The following PARD3 variants were observed in gnomAD, a reference collection of about 807,000 sequenced individuals.
PARD3 encodes the protein par-3 family cell polarity regulator.
PARD3 carries 75 observed loss-of-function variants against 155.4 expected under a neutral mutation model. The observed-to-expected ratio is 0.48, with a 90% CI of 0.40 to 0.58. PARD3 has a LOEUF of 0.58. Among genes scored for constraint, PARD3 ranks in the 20% least tolerant of loss-of-function variants. PARD3 has a pLI of 0.00. For synonymous variants in PARD3, 576 were observed against 610.5 expected, an observed-to-expected ratio of 0.94 and a Z score of 0.83; for missense variants, 1,642 against 1,721.7, an observed-to-expected ratio of 0.95 and a Z score of 0.82.
At chr10:34,446,943 C>T (rs1264764293) in intron 5 of PARD3, among the ~76,000 whole-genome samples, 7 of 152,094 alleles carry the variant, frequency 4.6e-5, no homozygotes, top group Admixed American at 2.0e-4. Context: ...CAATTTATTC[C>T]AGCATTTAGT....
At chr10:34,753,154 T>A (rs1836278565) in intron 1 of PARD3, among the ~76,000 whole-genome samples, 1 of 152,206 alleles carries the variant, frequency 6.6e-6, no homozygotes, top group Admixed American at 6.6e-5. Context: ...GGGGTCCTGA[T>A]TGCTGTGTGT....
chr10:34,454,999 C>T (rs947725172), intron 4 of PARD3, among the ~76,000 whole-genome samples: 2 of 152,144 alleles, frequency 1.3e-5, no homozygotes, highest in African/African-American at 4.8e-5. Context: ...GAGATAGAGG[C>T]TCATTCCCGG....
intron 7 of PARD3, among the ~76,000 whole-genome samples, chr10:34,390,742 G>A (rs1288484112): frequency 6.6e-6 from 1 of 152,028 alleles, no homozygotes; most frequent in Non-Finnish European, 1.5e-5. Flanking sequence ...AATAAATTGC[G>A]TTTTCAATAC....
chr10:34,162,393 C>T (rs1158737134), intron 22 of PARD3, among the ~76,000 whole-genome samples: 1 of 152,130 alleles, frequency 6.6e-6, no homozygotes, highest in Admixed American at 6.6e-5. Flanking sequence ...AATTCTATTC[C>T]ACTCACTCTT....
intron 1 of PARD3, among the ~76,000 whole-genome samples, chr10:34,766,075 T>C (rs1838047894): frequency 6.6e-6 from 1 of 152,240 alleles, no homozygotes; most frequent in African/African-American, 2.4e-5. Context: ...TTACTCCTTT[T>C]AGTGTTATGA....
chr10:34,178,783 C>T (rs1468401609), intron 22 of PARD3, among the ~76,000 whole-genome samples: 1 of 152,164 alleles, frequency 6.6e-6, no homozygotes, highest in African/African-American at 2.4e-5. Context: ...ATTTTAACTT[C>T]CCATAATTTG....
intron 22 of PARD3, among the ~76,000 whole-genome samples, chr10:34,207,157 C>T (rs1195009224): frequency 6.6e-6 from 1 of 152,184 alleles, no homozygotes; most frequent in Admixed American, 6.5e-5. Context: ...AAGCCTACAT[C>T]AGCAATTCAC....
chr10:34,325,848 T>C (rs6481896), intron 19 of PARD3, among the ~76,000 whole-genome samples: 146,079 of 152,188 alleles, frequency 0.96, 70,165 homozygotes, highest in East Asian at 1. Context: ...TGGGGCCTGG[T>C]GCGGTGGCTC....
In PARD3 at chr10:34,261,789, G is replaced by GA. The variant is rs1347031644; in HGVS notation, c.3419+7867dup. Among the ~76,000 whole-genome samples the GA allele has an allele frequency of 3.9e-4, 18 of 46,172 alleles. 1 individual carries two copies. Among genetic ancestry groups the GA allele is most frequent in the African/African-American group, 8.5e-4 (17 of 20,108 alleles). 30.3% of individuals were successfully genotyped at this position (46,172 alleles called of 152,430 possible). On this transcript the variant is annotated intron_variant, in intron 22 of 24. Coordinates refer to ENST00000374788, the MANE Select transcript of PARD3 (RefSeq NM_001184785.2). ...GGAAGGAAGAAAGAAAGAAAAGAAA[G>GA]AAAGAAAGAAAGAAAGAAAGAAAGA...
At position 34,382,912 on chromosome 10, in the gene PARD3, T is replaced by C; in HGVS notation, c.1027A>G (p.Met343Val). The change falls in exon 9 of 25, where the codon ATG becomes GTG. Residue 343 changes from methionine to valine, a missense_variant. Around this residue, in one of 3 missense-constraint regions of PARD3, gnomAD observed 1,529 missense variants for 1,587.3 expected, o/e 0.96. Transcript: ENST00000374788. ...GGTGTACGCATGGCTTGGCGAAACA[T>C]ATGTTGTGCTCTGGGTTTGAGAAAG... is the stretch of plus-strand genomic sequence containing the variant. ...RNRRFEQAQH[M>V]FRQAMRTPII... 1.2e-6 allele frequency: 2 copies of C among 1,613,864 alleles called. No homozygotes were observed. The highest frequency in any genetic ancestry group is 1.7e-6 in the Non-Finnish European group (2 of 1,179,920).
intron 1 of PARD3, among the ~76,000 whole-genome samples, chr10:34,794,477 A>G (rs973916479): frequency 1.3e-5 from 2 of 152,248 alleles, no homozygotes; most frequent in African/African-American, 4.8e-5. Flanking sequence ...CAGAAGTTCT[A>G]TCAGTAAACA....
intron 3 of PARD3, among the ~76,000 whole-genome samples, chr10:34,503,978 A>G (rs1254265451): frequency 1.3e-5 from 2 of 152,204 alleles, no homozygotes; most frequent in Non-Finnish European, 2.9e-5. Context: ...CAGTGAGAAA[A>G]GTAGTTAAAG....
chr10:34,454,399 T>G (rs962370667), intron 4 of PARD3, among the ~76,000 whole-genome samples: 3 of 152,164 alleles, frequency 2.0e-5, no homozygotes, highest in Non-Finnish European at 4.4e-5. Flanking sequence ...CATCATGCAC[T>G]CTATTTTCAA....
At chr10:34,383,519 G>A (rs1448307569) in intron 8 of PARD3, among the ~76,000 whole-genome samples, 1 of 152,016 alleles carries the variant, frequency 6.6e-6, no homozygotes, top group Non-Finnish European at 1.5e-5. Flanking sequence ...GACAGCTGTG[G>A]GTCACAGTGC....
intron 5 of PARD3, among the ~76,000 whole-genome samples, chr10:34,405,492 A>G (rs1480586205): frequency 6.6e-6 from 1 of 152,232 alleles, no homozygotes; most frequent in Non-Finnish European, 1.5e-5. Context: ...TTTTCAATGT[A>G]GAATGTCTTT....
At chr10:34,792,083 A>T (rs984858499) in intron 1 of PARD3, among the ~76,000 whole-genome samples, 2 of 151,988 alleles carry the variant, frequency 1.3e-5, no homozygotes. Context: ...GCTTGCTCAG[A>T]TATGCGCCCT....
chr10:34,429,020 G>C (rs1010396188), intron 5 of PARD3, among the ~76,000 whole-genome samples: 1 of 152,162 alleles, frequency 6.6e-6, no homozygotes, highest in African/African-American at 2.4e-5. Context: ...AAATTTTTTA[G>C]AAGTCATAGT....
intron 4 of PARD3, among the ~76,000 whole-genome samples, chr10:34,465,672 A>G (rs1035084594): frequency 2.0e-5 from 3 of 152,166 alleles, no homozygotes; most frequent in African/African-American, 7.2e-5. Context: ...TCTTTTGGAA[A>G]CTTGTCCGGA....
At chr10:34,330,738 C>T (rs759747442) in intron 19 of PARD3, among the ~76,000 whole-genome samples, 4 of 152,112 alleles carry the variant, frequency 2.6e-5, no homozygotes, top group East Asian at 1.9e-4. Context: ...CAAGCAACTT[C>T]GTGTTAACAG....
Sources: allele counts gnomAD v4.1 joint callset (sites outside exome capture counted in the v4.1 genomes callset), GRCh38; gene constraint gnomAD v4.1.1; regional missense constraint gnomAD v4.1.1; transcripts MANE v1.5; gene names NCBI Gene and HGNC (gene_info 2026-07-23, HGNC 2026-07-21).